The following LPP variants were observed in gnomAD, a reference collection of about 807,000 sequenced individuals.
The protein encoded by LPP is LIM domain containing preferred translocation partner in lipoma, also known as lipoma-preferred partner.
A neutral mutation model predicts 60.4 loss-of-function variants in LPP; 38 were observed. The ratio of observed to expected loss-of-function variants is 0.63; its 90% CI spans 0.49 to 0.83. The LOEUF (loss-of-function observed/expected upper bound fraction) is 0.83. Ranked by LOEUF, LPP falls within the 40% of genes least tolerant of loss-of-function variation. LPP has a pLI of 0.00. For synonymous variants in LPP, 328 were observed against 290.8 expected (o/e 1.13, Z -1.30); for missense variants, 902 against 783.6 (o/e 1.15, Z -1.80).
At chr3:188,293,447 A>C (rs920466902) in intron 2 of LPP, among the ~76,000 whole-genome samples, 2 of 152,224 alleles carry the variant, frequency 1.3e-5, no homozygotes, top group Admixed American at 6.5e-5. Context: ...GGCTTAGGTT[A>C]TAAGGTACTG....
chr3:188,285,630 A>G (rs1420476850), intron 2 of LPP, among the ~76,000 whole-genome samples: 1 of 152,000 alleles, frequency 6.6e-6, no homozygotes, highest in Non-Finnish European at 1.5e-5. Flanking sequence ...TTGAATTCCT[A>G]AGCTCAAGTG....
chr3:188,502,075 T>G (rs1321997158), intron 5 of LPP, among the ~76,000 whole-genome samples: 3 of 152,218 alleles, frequency 2.0e-5, no homozygotes, highest in Non-Finnish European at 4.4e-5. Context: ...ATTTAGTTTA[T>G]GGGCTTATTC....
intron 4 of LPP, among the ~76,000 whole-genome samples, chr3:188,454,481 G>T (rs938833979): frequency 6.6e-6 from 1 of 152,168 alleles, no homozygotes; most frequent in African/African-American, 2.4e-5. Context: ...TGCTTGGGAA[G>T]AATTCAGATG....
At chr3:188,712,331 A>G (rs1711890320) in intron 8 of LPP, 1 of 152,246 alleles carries the variant, frequency 6.6e-6, no homozygotes, top group African/African-American at 2.4e-5. Flanking sequence ...TGTTCAGGAC[A>G]CCCAAATGCA....
upstream of LPP, chr3:188,153,676 T>C (rs1715148138): frequency 6.6e-6 from 1 of 152,346 alleles, no homozygotes; most frequent in South Asian, 2.1e-4. Context: ...GCCCACCTTT[T>C]GGCAAAGCCA....
At chr3:188,868,389 G>A (rs942501428) in intron 10 of LPP, among the ~76,000 whole-genome samples, 1 of 152,130 alleles carries the variant, frequency 6.6e-6, no homozygotes, top group African/African-American at 2.4e-5. Context: ...GGTGACTGAT[G>A]ACATCAGTTT....
intron 2 of LPP, among the ~76,000 whole-genome samples, chr3:188,237,645 A>T (rs1722383978): frequency 6.6e-6 from 1 of 152,034 alleles, no homozygotes; most frequent in African/African-American, 2.4e-5. Context: ...TATGAGAAGA[A>T]ATATTTTGAA....
At chr3:188,157,904 G>A (rs1716998176) in intron 1 of LPP, among the ~76,000 whole-genome samples, 1 of 152,162 alleles carries the variant, frequency 6.6e-6, no homozygotes, top group Admixed American at 6.5e-5. Flanking sequence ...AGATGCAGAA[G>A]CAGGGAGAAG....
intron 8 of LPP, among the ~76,000 whole-genome samples, chr3:188,718,473 G>C (rs1414388722): frequency 5.3e-5 from 8 of 152,122 alleles, no homozygotes; most frequent in Non-Finnish European, 1.2e-4. Context: ...GGAATTTTGT[G>C]TATGTATTTT....
intron 1 of LPP, among the ~76,000 whole-genome samples, chr3:188,225,145 C>G (rs975696321): frequency 3.3e-5 from 5 of 152,072 alleles, no homozygotes; most frequent in African/African-American, 1.2e-4. Flanking sequence ...ACTGACTTGC[C>G]TCTTTCACCT....
chr3:188,635,425 T>A (rs1848545389), intron 7 of LPP, among the ~76,000 whole-genome samples: 1 of 152,208 alleles, frequency 6.6e-6, no homozygotes, highest in African/African-American at 2.4e-5. Context: ...ACCAGTACGT[T>A]TGGTTCTAGT....
chr3:188,506,119 A>G (rs1813383226), intron 5 of LPP, among the ~76,000 whole-genome samples: 1 of 152,114 alleles, frequency 6.6e-6, no homozygotes, highest in African/African-American at 2.4e-5. Context: ...TACGTGTCTG[A>G]CAACTGGATC....
At chr3:188,219,875 C>G (rs1715125551) in intron 1 of LPP, among the ~76,000 whole-genome samples, 1 of 152,176 alleles carries the variant, frequency 6.6e-6, no homozygotes, top group Non-Finnish European at 1.5e-5. Context: ...TCATAGAACT[C>G]CCAATCCTCC....
chr3:188,630,097 T>A (rs140087324), intron 7 of LPP, among the ~76,000 whole-genome samples: 5 of 152,178 alleles, frequency 3.3e-5, no homozygotes, highest in Non-Finnish European at 5.9e-5. Context: ...CCGAAAGCAA[T>A]TGCAACAAAA....
intron 8 of LPP, among the ~76,000 whole-genome samples, chr3:188,732,164 A>G (rs1223519712): frequency 1.3e-5 from 2 of 152,220 alleles, no homozygotes; most frequent in East Asian, 1.9e-4. Context: ...GACCGATGCT[A>G]TGGGAAAGGA....
At chr3:188,623,458 A>G (rs376145679) in intron 7 of LPP, among the ~76,000 whole-genome samples, 13 of 152,154 alleles carry the variant, frequency 8.5e-5, no homozygotes, top group East Asian at 7.8e-4. Context: ...GGGTTTCACT[A>G]TGTTGGCCAG....
rs1769410607 is a variant in LPP, at chr3:188,877,688, A to G, written c.*3209A>G. ...TAGTGAGACCTTGTCTCTACAAAAA[A>G]TAAAATAAAATAAAAACCAAATTAG... is the stretch of plus-strand genomic sequence containing the variant. On this transcript the variant is annotated 3_prime_UTR_variant, in exon 12 of 12. Transcript: ENST00000617246. The G allele has an allele frequency of 5.2e-6, 1 of 190,688 alleles. No individual in the cohort carries two copies. The highest frequency in any genetic ancestry group is 1.1e-5 in the Non-Finnish European group (1 of 90,862). The allele number at this position is 190,688 out of a possible 1,614,324, so 11.8% of individuals were successfully genotyped here.
At chr3:188,736,999 G>A (rs1722750744) in intron 8 of LPP, among the ~76,000 whole-genome samples, 1 of 151,894 alleles carries the variant, frequency 6.6e-6, no homozygotes, top group Admixed American at 6.6e-5. Flanking sequence ...TGTATATTCA[G>A]TATTGCCAAA....
At chr3:188,168,013 T>C (rs937657384) in intron 1 of LPP, among the ~76,000 whole-genome samples, 4 of 152,254 alleles carry the variant, frequency 2.6e-5, no homozygotes, top group Non-Finnish European at 4.4e-5. Flanking sequence ...ATATGGATTG[T>C]CATATGACAA....
Sources: gnomAD v4.1 joint callset for allele counts (sites outside exome capture counted in the v4.1 genomes callset) on GRCh38, gnomAD v4.1.1 for gene constraint, MANE v1.5 for transcripts, NCBI Gene and HGNC (gene_info 2026-07-23, HGNC 2026-07-21) for gene names.